The following EYS variants were observed in gnomAD, a reference collection of about 807,000 sequenced individuals.
EYS encodes protein eyes shut homolog.
Under a neutral mutation model 282.1 loss-of-function variants are expected in EYS, and 250 were observed. The ratio of observed to expected loss-of-function variants is 0.89; its 90% CI spans 0.80 to 0.98. EYS has a LOEUF of 0.98. Among genes scored for constraint, EYS ranks in the 50% least tolerant of loss-of-function variants. The pLI is 0.00. For missense variants in EYS, 4,016 were observed against 3,709.0 expected, an observed-to-expected ratio of 1.08 and a Z score of -2.15; for synonymous variants, 1,355 against 1,282.9, an observed-to-expected ratio of 1.06 and a Z score of -1.20.
At chr6:64,720,561 C>G (rs1463737353) in intron 22 of EYS, among the ~76,000 whole-genome samples, 2 of 152,168 alleles carry the variant, frequency 1.3e-5, no homozygotes, top group African/African-American at 4.8e-5. Context: ...AGCTATTTCT[C>G]TTAAATCATA....
intron 31 of EYS, among the ~76,000 whole-genome samples, chr6:64,221,656 T>C (rs1270180512): frequency 1.3e-4 from 20 of 152,156 alleles, no homozygotes; most frequent in Admixed American, 1.3e-3. Flanking sequence ...CATCCAAAAA[T>C]ATTAAATAGA....
At chr6:65,118,937 A>C (rs1775453603) in intron 12 of EYS, among the ~76,000 whole-genome samples, 1 of 151,960 alleles carries the variant, frequency 6.6e-6, no homozygotes, top group African/African-American at 2.4e-5. Flanking sequence ...CATTGAGATA[A>C]AGTTAACAGA....
chr6:63,860,994 C>T (rs549195154), intron 36 of EYS, among the ~76,000 whole-genome samples: 7 of 152,274 alleles, frequency 4.6e-5, no homozygotes, highest in African/African-American at 1.7e-4. Context: ...TGGTTTTAAA[C>T]ACCACCTTTA....
intron 39 of EYS, chr6:63,786,298 T>A (rs1348965784): frequency 6.6e-6 from 1 of 152,116 alleles, no homozygotes; most frequent in Non-Finnish European, 1.5e-5. Context: ...TTGCATTATT[T>A]AATTGTAATT....
intron 31 of EYS, among the ~76,000 whole-genome samples, chr6:64,094,107 A>G (rs998219399): frequency 5.3e-5 from 8 of 152,128 alleles, no homozygotes; most frequent in African/African-American, 1.9e-4. Context: ...GATGAAGCCC[A>G]CTTGATCATG....
intron 13 of EYS, among the ~76,000 whole-genome samples, chr6:65,054,769 G>A (rs568126668): frequency 6.6e-5 from 10 of 151,908 alleles, no homozygotes; most frequent in Non-Finnish European, 1.2e-4. Context: ...TCCATTGAAC[G>A]TGTTAATGTA....
intron 32 of EYS, among the ~76,000 whole-genome samples, chr6:64,079,448 A>G (rs1394039644): frequency 2.0e-5 from 3 of 152,128 alleles, no homozygotes; most frequent in Non-Finnish European, 2.9e-5. Context: ...AAAATCTTTT[A>G]TGTATTTTGT....
At chr6:65,519,745 T>C (rs9445551) in intron 2 of EYS, among the ~76,000 whole-genome samples, 22,603 of 121,068 alleles carry the variant, frequency 0.19, 3,435 homozygotes, top group African/African-American at 0.39. Context: ...AGATAAGATC[T>C]TGCTCTGTCA....
Position 65,521,640 on chromosome 6 carries a change from C to G in EYS, c.-332-25647G>C, listed in dbSNP as rs183152412. On this transcript the variant is annotated intron_variant, in intron 2 of 42. Coordinates refer to ENST00000503581, the MANE Select transcript of EYS (RefSeq NM_001142800.2). Reference sequence around the variant, plus strand: ...AATTTTGACAATTTGAATAAGGTTTCTTATGGAATTAGGTCTCATTATTTT... The same window carrying G: ...AATTTTGACAATTTGAATAAGGTTTGTTATGGAATTAGGTCTCATTATTTT... Among the ~76,000 whole-genome samples the G allele has an allele frequency of 1.1e-3, 164 of 152,154 alleles. 2 individuals are homozygous for G. The highest frequency in any genetic ancestry group is 3.7e-3 in the African/African-American group (154 of 41,520).
At chr6:64,771,243 C>A (rs1269133587) in intron 22 of EYS, among the ~76,000 whole-genome samples, 1 of 151,612 alleles carries the variant, frequency 6.6e-6, no homozygotes, top group Non-Finnish European at 1.5e-5. Flanking sequence ...GATCCCCTTT[C>A]TTATTCCTAG....
At chr6:64,253,716 G>A (rs1331214201) in intron 30 of EYS, among the ~76,000 whole-genome samples, 1 of 151,846 alleles carries the variant, frequency 6.6e-6, no homozygotes, top group East Asian at 1.9e-4. Flanking sequence ...CTTCCTCTAA[G>A]TTAACTGGAC....
At chr6:65,072,581 A>G (rs542360345) in intron 12 of EYS, among the ~76,000 whole-genome samples, 1 of 152,022 alleles carries the variant, frequency 6.6e-6, no homozygotes, top group South Asian at 2.1e-4. Flanking sequence ...AAATAATGAA[A>G]ACATTGTCAA....
chr6:64,201,220 C>CA (rs1765452863), intron 31 of EYS, among the ~76,000 whole-genome samples: 1 of 152,008 alleles, frequency 6.6e-6, no homozygotes, highest in Non-Finnish European at 1.5e-5. Flanking sequence ...TGTTTTACAT[C>CA]ATTTTTTTTG....
At chr6:63,875,950 G>GT (rs1326377265) in intron 35 of EYS, among the ~76,000 whole-genome samples, 1 of 152,122 alleles carries the variant, frequency 6.6e-6, no homozygotes, top group Non-Finnish European at 1.5e-5. Context: ...TTTTTGAGGA[G>GT]TTTTTTGTGT....
intron 31 of EYS, among the ~76,000 whole-genome samples, chr6:64,096,111 CGA>C (rs1459618778): frequency 6.6e-6 from 1 of 152,124 alleles, no homozygotes; most frequent in East Asian, 1.9e-4. Flanking sequence ...GAGTTTCTGC[CGA>C]GAGATCAGCT....
intron 15 of EYS, among the ~76,000 whole-genome samples, chr6:64,933,063 C>A (rs1768780041): frequency 6.6e-6 from 1 of 151,906 alleles, no homozygotes; most frequent in South Asian, 2.1e-4. Flanking sequence ...ATAGAAACTG[C>A]CTTTGAGGAC....
intron 35 of EYS, among the ~76,000 whole-genome samples, chr6:63,865,423 A>C (rs1369491624): frequency 4.7e-5 from 7 of 150,496 alleles, no homozygotes; most frequent in Non-Finnish European, 8.9e-5. Context: ...TTGATTTGGG[A>C]TTTTGTCACT....
At chr6:65,177,584 G>A (rs1269103342) in intron 12 of EYS, among the ~76,000 whole-genome samples, 1 of 151,578 alleles carries the variant, frequency 6.6e-6, no homozygotes, top group African/African-American at 2.4e-5. Flanking sequence ...TTCCAATTCA[G>A]TATCTGTGTA....
intron 22 of EYS, among the ~76,000 whole-genome samples, chr6:64,803,362 G>A (rs931225910): frequency 6.6e-6 from 1 of 151,226 alleles, no homozygotes; most frequent in Non-Finnish European, 1.5e-5. Context: ...CTGAGTAGGG[G>A]GACTGAAGGT....
Sources: gnomAD v4.1 joint callset for allele counts (sites outside exome capture counted in the v4.1 genomes callset) on GRCh38, gnomAD v4.1.1 for gene constraint, MANE v1.5 for transcripts, NCBI Gene and HGNC (gene_info 2026-07-23, HGNC 2026-07-21) for gene names.